Variants in APBA2 observed in about 807,000 individuals in gnomAD.
APBA2 encodes the protein amyloid-beta A4 precursor protein-binding family A member 2.
APBA2 carries 30 observed loss-of-function variants against 75.0 expected under a neutral mutation model. That is an observed-to-expected ratio of 0.40 (90% confidence interval 0.30 to 0.54). APBA2 has a LOEUF of 0.54. Ranked by LOEUF, APBA2 falls within the 20% of genes least tolerant of loss-of-function variation. The probability of loss-of-function intolerance (pLI) is 0.49; values close to 1 mark genes in which losing one functional copy is unlikely to be tolerated. For synonymous variants in APBA2, 444 were observed against 409.6 expected (o/e 1.08, Z -1.01); for missense variants, 801 against 1,016.1 (o/e 0.79, Z 2.88).
chr15:29,034,293 C>G (rs1160342208), intron 3 of APBA2, among the ~76,000 whole-genome samples: 1 of 152,216 alleles, frequency 6.6e-6, no homozygotes, highest in Non-Finnish European at 1.5e-5. Context: ...CCCCAACCCT[C>G]TAGTAGCTAG....
chr15:29,053,972 G>A lies in APBA2; in HGVS notation c.88G>A (p.Glu30Lys), dbSNP rs2041739592. The change falls in exon 4 of 15, where the codon GAG becomes AAG. Residue 30 changes from glutamate (E) to lysine (K), a missense_variant. By Grantham distance (56) the Glu-to-Lys change is moderately conservative. Around this residue, in one of 2 missense-constraint regions of APBA2, gnomAD observed 434 missense variants for 471.6 expected, o/e 0.92. Transcript: ENST00000683413. ...TCCTGTCCCTCACAGCCAGGAGCCCGAGAGCGAGGACATGGAGCTGCCCTT... is the reference window on the plus strand; with the variant it reads ...TCCTGTCCCTCACAGCCAGGAGCCCAAGAGCGAGGACATGGAGCTGCCCTT... ...PGPVPHSQEP[E>K]SEDMELPLEG... The A allele has an allele frequency of 4.3e-6, 7 of 1,614,060 alleles. No individual in the cohort carries two copies. The highest frequency in any genetic ancestry group is 5.9e-6 in the Non-Finnish European group (7 of 1,180,000).
chr15:28,935,596 G>A (rs1231213084), intron 2 of APBA2, among the ~76,000 whole-genome samples: 1 of 152,188 alleles, frequency 6.6e-6, no homozygotes, highest in Non-Finnish European at 1.5e-5. Context: ...GCCCAGCCTA[G>A]CAGGGCAGGG....
At chr15:29,083,352 G>A (rs1192125992) in intron 6 of APBA2, among the ~76,000 whole-genome samples, 3 of 152,158 alleles carry the variant, frequency 2.0e-5, no homozygotes, top group Non-Finnish European at 2.9e-5. Flanking sequence ...TCAGGTTCCA[G>A]ATCCAGGCTG....
At chr15:28,973,119 A>G (rs989035729) in intron 2 of APBA2, among the ~76,000 whole-genome samples, 1 of 152,250 alleles carries the variant, frequency 6.6e-6, no homozygotes, top group Non-Finnish European at 1.5e-5. Context: ...TGCAAACTCC[A>G]TTGAGGTCCG....
chr15:28,902,598 C>A (rs912790475), intron 1 of APBA2, among the ~76,000 whole-genome samples: 3 of 152,022 alleles, frequency 2.0e-5, no homozygotes, highest in East Asian at 3.9e-4. Flanking sequence ...AATGGTGGAT[C>A]GAGATTCATT....
chr15:29,033,834 G>A (rs7172836), intron 3 of APBA2, among the ~76,000 whole-genome samples: 29,253 of 151,484 alleles, frequency 0.19, 3,727 homozygotes, highest in African/African-American at 0.35. Flanking sequence ...GCGTGGTGGC[G>A]GGCGCCTGTA....
chr15:29,076,787 C>T (rs750379016), intron 6 of APBA2, among the ~76,000 whole-genome samples: 8 of 152,152 alleles, frequency 5.3e-5, no homozygotes, highest in Non-Finnish European at 8.8e-5. Flanking sequence ...TTTCAATAAG[C>T]TGGTAATTAA....
intron 3 of APBA2, among the ~76,000 whole-genome samples, chr15:29,019,327 T>G (rs1345638189): frequency 1.3e-5 from 2 of 152,222 alleles, no homozygotes; most frequent in Non-Finnish European, 2.9e-5. Context: ...TTATTTTTGA[T>G]TAAGGATATT....
chr15:29,013,426 C>T (rs1292977407), intron 3 of APBA2, among the ~76,000 whole-genome samples: 1 of 151,840 alleles, frequency 6.6e-6, no homozygotes, highest in Admixed American at 6.6e-5. Flanking sequence ...ACTACAGGCG[C>T]CCGCCACCGC....
chr15:29,098,357 G>A lies in APBA2; in HGVS notation c.1252-133G>A. On this transcript the variant is annotated intron_variant, in intron 8 of 14. Coordinates refer to ENST00000683413, the MANE Select transcript of APBA2 (RefSeq NM_001353788.2). The stretch of plus-strand genomic sequence containing the variant: ...AGAGCCATTCTGACAGATATGAAAT[G>A]ATATATTGTTGTGGTTTTAATTTGG... The A allele has an allele frequency of 8.3e-6, 6 of 721,070 alleles. No homozygotes were observed. In the South Asian group the frequency reaches 9.0e-5, roughly 11 times the overall value. 44.7% of individuals were successfully genotyped at this position (721,070 alleles called of 1,614,324 possible).
Position 29,062,214 on chromosome 15 carries a change from C to G in APBA2, c.951+7379C>G, listed in dbSNP as rs1186761301. On this transcript the variant is annotated intron_variant, in intron 4 of 14. Coordinates refer to ENST00000683413, the MANE Select transcript of APBA2 (RefSeq NM_001353788.2). ...GCCTCAGATTCTAGTGTCCCTTGCCCCGCCCACCCATGGCGTCAGGCCTAG... is the reference window on the plus strand; with the variant it reads ...GCCTCAGATTCTAGTGTCCCTTGCCGCGCCCACCCATGGCGTCAGGCCTAG... 4.6e-5 allele frequency among the ~76,000 whole-genome samples: 7 copies of G among 152,222 alleles called. No homozygotes were observed. In the South Asian group the frequency reaches 1.5e-3, roughly 32 times the overall value.
chr15:29,009,810 ATGTT>A (rs1566902499), intron 3 of APBA2, among the ~76,000 whole-genome samples: 1 of 152,152 alleles, frequency 6.6e-6, no homozygotes, highest in Non-Finnish European at 1.5e-5. Context: ...CATCCATTCT[ATGTT>A]TGATGGACAT....
At chr15:29,087,205 A>G (rs988349610) in intron 6 of APBA2, among the ~76,000 whole-genome samples, 4 of 152,170 alleles carry the variant, frequency 2.6e-5, no homozygotes, top group African/African-American at 9.7e-5. Flanking sequence ...TATTACAAAT[A>G]GTGCTGCTGC....
At position 29,070,738 on chromosome 15, in the gene APBA2, C is replaced by A. The variant is rs557957895; in HGVS notation, c.952-4183C>A. 5.4e-5 allele frequency: 13 copies of A among 240,644 alleles called. No individual in the cohort carries two copies. In the East Asian group the frequency reaches 1.5e-3, roughly 28 times the overall value. 14.9% of individuals were successfully genotyped at this position (240,644 alleles called of 1,614,324 possible). On this transcript the variant is annotated intron_variant, in intron 4 of 14. Transcript: ENST00000683413. ...CCTTCCATCTGACCAGGGGGTCATG[C>A]TCTCACTGCTCCTGCTTGGAGTTCT...
chr15:29,076,459 T>C (rs2042856555), intron 6 of APBA2, among the ~76,000 whole-genome samples: 1 of 152,188 alleles, frequency 6.6e-6, no homozygotes. Context: ...CTTTTTTTTT[T>C]TTTTTAGATC....
chr15:29,071,103 A>T (rs1279828481), intron 4 of APBA2: 1 of 456,126 alleles, frequency 2.2e-6, no homozygotes, highest in South Asian at 1.6e-5. Flanking sequence ...GAGCGGAGTG[A>T]GTGTGCACTA....
intron 2 of APBA2, among the ~76,000 whole-genome samples, chr15:28,968,138 A>C (rs995655946): frequency 6.6e-6 from 1 of 152,270 alleles, no homozygotes; most frequent in Admixed American, 6.5e-5. Context: ...AAGGCTGAAT[A>C]ATACTCCACC....
intron 4 of APBA2, among the ~76,000 whole-genome samples, chr15:29,061,421 G>A (rs966203830): frequency 2.0e-5 from 3 of 152,142 alleles, no homozygotes; most frequent in Non-Finnish European, 4.4e-5. Flanking sequence ...TCCACACCTT[G>A]GAATGGCAAA....
At chr15:28,941,754 A>G (rs558178589) in intron 2 of APBA2, among the ~76,000 whole-genome samples, 10 of 151,914 alleles carry the variant, frequency 6.6e-5, no homozygotes, top group African/African-American at 1.4e-4. Context: ...TTGTTTGTTT[A>G]TTTATTTATT....
Sources: gnomAD v4.1 joint callset for allele counts (sites outside exome capture counted in the v4.1 genomes callset) on GRCh38, gnomAD v4.1.1 for gene constraint, gnomAD v4.1.1 regional missense constraint, MANE v1.5 for transcripts, NCBI Gene and HGNC (gene_info 2026-07-23, HGNC 2026-07-21) for gene names.